The following EP400 variants were observed in gnomAD, a reference collection of about 807,000 sequenced individuals.
The protein encoded by EP400 is E1A-binding protein p400.
In EP400, 105 loss-of-function variants were observed where a neutral mutation model predicts 354.1. That is an observed-to-expected ratio of 0.30 (90% CI 0.25 to 0.35). EP400 has a LOEUF of 0.35. Ranked by LOEUF, EP400 falls within the 10% of genes least tolerant of loss-of-function variation. The pLI, the probability that EP400 is intolerant of heterozygous loss-of-function variation, is 1.00. For missense variants in EP400, 3,280 were observed against 4,121.0 expected (o/e 0.80, Z 5.59); for synonymous variants, 1,646 against 1,716.9 (o/e 0.96, Z 1.02).
intron 29 of EP400, chr12:132,031,233 C>T (rs1456935481): frequency 3.9e-6 from 2 of 519,112 alleles, no homozygotes; most frequent in East Asian, 5.4e-5. Context: ...GCTTCCTCAG[C>T]CTTACTCCAG....
At chr12:132,004,338 T>C (rs957289872) in intron 12 of EP400, among the ~76,000 whole-genome samples, 3 of 152,250 alleles carry the variant, frequency 2.0e-5, no homozygotes, top group African/African-American at 7.2e-5. Flanking sequence ...TACACTTTTA[T>C]GTATGTAACA....
chr12:132,040,432 C>CT (rs1352496327), intron 32 of EP400, among the ~76,000 whole-genome samples: 1 of 152,186 alleles, frequency 6.6e-6, no homozygotes, highest in Non-Finnish European at 1.5e-5. Flanking sequence ...CATCGCAGCA[C>CT]TGTCCCAGCA....
chr12:132,037,922 A>T, intron 31 of EP400, 31 bp from the exon 32 acceptor site: 1 of 1,614,044 alleles, frequency 6.2e-7, no homozygotes, highest in Non-Finnish European at 8.5e-7. Flanking sequence ...TGGACCTTGT[A>T]CTGGGGAGTA....
chr12:132,061,896 T>C (rs1292315274), intron 45 of EP400, among the ~76,000 whole-genome samples: 1 of 152,200 alleles, frequency 6.6e-6, no homozygotes, highest in Non-Finnish European at 1.5e-5. Context: ...CGTGTTTCTG[T>C]GGGTGATGTG....
chr12:132,077,852 CTTA>C lies in EP400; in HGVS notation c.*181_*183del. The C allele has an allele frequency of 2.4e-6, 2 of 843,866 alleles. No individual in the cohort carries two copies. The highest frequency in any genetic ancestry group is 3.6e-6 in the Non-Finnish European group (2 of 563,048). The allele number at this position is 843,866 out of a possible 1,614,324, so 52.3% of individuals were successfully genotyped here. ...ATCCCACACTGCAGGACAAATGGTC[CTTA>C]TGGAGTGCCGCGTTCTCTGTACTAC... is the stretch of plus-strand genomic sequence containing the variant. On this transcript the variant is annotated 3_prime_UTR_variant, in exon 53 of 53. Transcript: ENST00000389561.
At chr12:131,988,771 C>G (rs147258179) in intron 7 of EP400, among the ~76,000 whole-genome samples, 1 of 152,142 alleles carries the variant, frequency 6.6e-6, no homozygotes, top group Non-Finnish European at 1.5e-5. Flanking sequence ...ATTACTGTGT[C>G]GCTGCCTCTG....
intron 1 of EP400, among the ~76,000 whole-genome samples, chr12:131,955,546 T>C (rs1440090263): frequency 1.3e-5 from 2 of 152,010 alleles, no homozygotes; most frequent in African/African-American, 4.8e-5. Context: ...CCTCCCAAAG[T>C]GTTGGGATTA....
rs571722670 is a variant in EP400, at chr12:132,048,318, G to A, written c.7201-2005G>A. ...TTTAGAGATTGCAGTAAAGACAGGC[G>A]TAAGAAATTATAAAAGTATTAATTT... On this transcript the variant is annotated intron_variant, in intron 39 of 52. Coordinates refer to ENST00000389561, the MANE Select transcript of EP400 (RefSeq NM_015409.5). Among the ~76,000 whole-genome samples the A allele has an allele frequency of 1.1e-4, 17 of 152,272 alleles. No homozygotes were observed. In the East Asian group the frequency reaches 1.5e-3, roughly 14 times the overall value.
intron 45 of EP400, 98 bp from the exon 46 acceptor site, chr12:132,062,012 C>A: frequency 9.6e-7 from 1 of 1,036,884 alleles, no homozygotes; most frequent in Non-Finnish European, 1.4e-6. Flanking sequence ...CTTGTTTCGC[C>A]TCTGAAGTTG....
chr12:131,972,372 C>G (rs1210510160), intron 2 of EP400, among the ~76,000 whole-genome samples: 3 of 152,032 alleles, frequency 2.0e-5, no homozygotes, highest in Non-Finnish European at 4.4e-5. Flanking sequence ...CCAGGATGGT[C>G]TCGATCTCCT....
rs193295908 is a variant in EP400 at position 132,037,210 on chromosome 12, C to T, written c.5952-472C>T. Among the ~76,000 whole-genome samples, 259 of 152,244 alleles carry T rather than the reference C, an allele frequency of 1.7e-3. 1 individual carries two copies. Among genetic ancestry groups the T allele is most frequent in the Non-Finnish European group, 2.4e-3 (161 of 68,020 alleles). On this transcript the variant is annotated intron_variant, in intron 30 of 52. Coordinates refer to ENST00000389561, the MANE Select transcript of EP400 (RefSeq NM_015409.5). ...AGCTCACGGTCGTAATTGAACACCT[C>T]TTGTGGGTCTGGTAGTGTACCGGGG...
Position 132,028,264 on chromosome 12 carries a change from A to T in EP400, c.5357A>T (p.Glu1786Val). 6.2e-7 allele frequency: 1 copy of T among 1,614,046 alleles called. No homozygotes were observed. The highest frequency in any genetic ancestry group is 1.1e-5 in the South Asian group (1 of 91,080). ...ELMLTLCRCG[E>V]SLQDVIDRVA... ...ATGTTGACGCTTTGTCGGTGTGGAG[A>T]GTCTCTGCAGGATGTTATTGACAGG... The change falls in exon 27 of 53, where the codon GAG becomes GTG. Residue 1786 changes from glutamate (E) to valine (V), a missense_variant. By Grantham distance (121) the Glu-to-Val change is moderately radical (BLOSUM62 -2). Coordinates refer to ENST00000389561, the MANE Select transcript of EP400 (RefSeq NM_015409.5).
rs745839633 is a variant in EP400 at position 132,052,738 on chromosome 12, C to T, written c.7395-408C>T. Among the ~76,000 whole-genome samples, 7 of 152,116 alleles carry T rather than the reference C, an allele frequency of 4.6e-5. No individual in the cohort carries two copies. Among genetic ancestry groups the T allele is most frequent in the African/African-American group, 7.2e-5 (3 of 41,420 alleles). On this transcript the variant is annotated intron_variant, in intron 41 of 52. Transcript: ENST00000389561. This position sits in a 1 kb window ranked among gnomAD's most constrained non-coding sequence, Gnocchi z 4.4. ...GCGCGGCGTGGAGCCTGGGCATTCT[C>T]GGGGGAGCGAGAGAGGCACAGTCCC...
At chr12:132,055,431 ATG>A (rs137860664) in intron 45 of EP400, among the ~76,000 whole-genome samples, 35 of 144,384 alleles carry the variant, frequency 2.4e-4, no homozygotes, top group Non-Finnish European at 2.6e-4. Context: ...GAGGTGGGGT[ATG>A]TGTGTGTGTG....
intron 24 of EP400, 130 bp downstream of exon 24, chr12:132,024,071 A>C: frequency 1.6e-4 from 163 of 1,030,378 alleles, no homozygotes; most frequent in Non-Finnish European, 2.0e-4. Context: ...GATGCATCTC[A>C]CCTCATGGGT....
chr12:132,026,779 C>T (rs1002439149), intron 25 of EP400, among the ~76,000 whole-genome samples: 2 of 152,192 alleles, frequency 1.3e-5, no homozygotes, highest in Admixed American at 1.3e-4. Context: ...ACAACCTCAG[C>T]CTCTCCTCTT....
chr12:131,986,799 A>G lies in EP400; in HGVS notation c.2215A>G (p.Ile739Val), dbSNP rs1258531382. ...DSSQDTLTEQITLENQVHQRI... is the reference protein window; with the variant it reads ...DSSQDTLTEQVTLENQVHQRI... ...TTCTCAGGATACGCTGACAGAACAA[A>G]TAACTCTGGTAAGCATGCTTAAGAA... is the stretch of plus-strand genomic sequence containing the variant. The change falls in exon 6 of 53, where the codon ATA becomes GTA. Residue 739 changes from isoleucine (I) to valine (V), a missense_variant. Physicochemically the swap from Ile to Val is conservative, Grantham distance 29. Coordinates refer to ENST00000389561, the MANE Select transcript of EP400 (RefSeq NM_015409.5). 6.2e-7 allele frequency: 1 copy of G among 1,606,010 alleles called. No individual in the cohort carries two copies. The highest frequency in any genetic ancestry group is 2.2e-5 in the East Asian group (1 of 44,706).
Position 132,025,589 on chromosome 12 carries a change from G to A in EP400, c.4856-57G>A, listed in dbSNP as rs1894278673. On this transcript the variant is annotated intron_variant, in intron 24 of 52. Coordinates refer to ENST00000389561, the MANE Select transcript of EP400 (RefSeq NM_015409.5). This position sits in a 1 kb window ranked among gnomAD's most constrained non-coding sequence, Gnocchi z 4.1. Reference sequence around the variant, plus strand: ...TGTACTGTTTGGAAGTGCCTGGAGTGTGTGGCTGTGATGTACACATGCCTG... The same window carrying A: ...TGTACTGTTTGGAAGTGCCTGGAGTATGTGGCTGTGATGTACACATGCCTG... 1 of 1,498,210 alleles carries A rather than the reference G, an allele frequency of 6.7e-7. No individual in the cohort carries two copies. Among genetic ancestry groups the A allele is most frequent in the Non-Finnish European group, 8.9e-7 (1 of 1,120,048 alleles). 92.8% of individuals were successfully genotyped at this position (1,498,210 alleles called of 1,614,324 possible). A position where few individuals can be genotyped will look rare whatever the true frequency, so the allele number is the denominator to read the frequency against.
Position 132,025,806 on chromosome 12 carries a change from T to C in EP400, c.5014+2T>C. The C allele has an allele frequency of 6.3e-7, 1 of 1,589,938 alleles. No individual in the cohort carries two copies. Among genetic ancestry groups the C allele is most frequent in the Non-Finnish European group, 8.5e-7 (1 of 1,170,340 alleles). ...GCCCTGCACCCTTGACCCCACAAGG[T>C]AGGGTGCTCTGAGCAGGAGGGAGAC... is the stretch of plus-strand genomic sequence containing the variant. On this transcript the variant is annotated splice_donor_variant, in intron 25 of 52. Transcript: ENST00000389561. LOFTEE classifies it high-confidence loss of function. This position sits in a 1 kb window ranked among gnomAD's most constrained non-coding sequence, Gnocchi z 4.1.
Sources: allele counts gnomAD v4.1 joint callset (sites outside exome capture counted in the v4.1 genomes callset), GRCh38; gene constraint gnomAD v4.1.1; non-coding constraint Gnocchi (gnomAD v3.1); transcripts MANE v1.5; gene names NCBI Gene and HGNC (gene_info 2026-07-23, HGNC 2026-07-21).